C6orf118: variants seen among roughly 807,000 people sequenced by gnomAD.
C6orf118 encodes chromosome 6 open reading frame 118.
C6orf118 carries 50 observed loss-of-function variants against 50.2 expected under a neutral mutation model. The observed-to-expected ratio is 1.00, with a 90% CI of 0.79 to 1.26. The LOEUF (loss-of-function observed/expected upper bound fraction) is 1.26, where lower values mean the gene tolerates loss of function less well. C6orf118 is among the 50% of genes most tolerant of loss of function. The pLI is 0.00. For missense variants in C6orf118, 641 were observed against 578.7 expected, an observed-to-expected ratio of 1.11 and a Z score of -1.10; for synonymous variants, 239 against 230.9, an observed-to-expected ratio of 1.03 and a Z score of -0.32.
chr6:165,301,780 T>C lies in C6orf118; in HGVS notation c.542A>G (p.Asp181Gly). 6.2e-7 allele frequency: 1 copy of C among 1,613,960 alleles called. No individual in the cohort carries two copies. Among genetic ancestry groups the C allele is most frequent in the Non-Finnish European group, 8.5e-7 (1 of 1,179,978 alleles). ...WRRREELRLP[D>G]LKVLCYQEAG... Reference sequence around the variant, plus strand: ...CTCCTGGTAGCACAGCACCTTCAAGTCGGGCAGCCGGAGTTCTTCCCTCCT... The same window carrying C: ...CTCCTGGTAGCACAGCACCTTCAAGCCGGGCAGCCGGAGTTCTTCCCTCCT... The change falls in exon 2 of 9, where the codon GAC (aspartate) becomes GGC (glycine). Residue 181 changes from aspartate to glycine, a missense_variant. Physicochemically the swap from Asp to Gly is moderately conservative, Grantham distance 94. Transcript: ENST00000230301.
At chr6:165,304,967 A>C (rs1314263824) in intron 1 of C6orf118, among the ~76,000 whole-genome samples, 1 of 51,966 alleles carries the variant, frequency 1.9e-5, no homozygotes, top group Admixed American at 2.2e-4. Context: ...AATTGGAAAA[A>C]ACTACTTTAA....
chr6:165,302,117 G>T lies in C6orf118; in HGVS notation c.205C>A (p.Leu69Ile), dbSNP rs778687672. 1.9e-6 allele frequency: 3 copies of T among 1,613,974 alleles called. No individual in the cohort carries two copies. Among genetic ancestry groups the T allele is most frequent in the Non-Finnish European group, 2.5e-6 (3 of 1,180,036 alleles). Reference sequence around the variant, plus strand: ...AAGATCGTCTCCGGAGGCTGGTAGAGCTTGTTGGGGTTCAGGTGTCCAGAG... The same window carrying T: ...AAGATCGTCTCCGGAGGCTGGTAGATCTTGTTGGGGTTCAGGTGTCCAGAG... Reference protein sequence around the residue: ...YISGHLNPNKLYQPPETILQH... With the variant: ...YISGHLNPNKIYQPPETILQH... Residue 69 changes from leucine (L) to isoleucine (I), a missense_variant, in exon 2 of 9, where the codon CTC becomes ATC. Leu to Ile is a conservative substitution (Grantham distance 5). Transcript: ENST00000230301.
chr6:165,281,411 G>A, intron 8 of C6orf118: 1 of 953,954 alleles, frequency 1.0e-6, no homozygotes. Context: ...GTCTAATCTA[G>A]TTTTAAATAA....
At chr6:165,281,500 T>A in intron 8 of C6orf118, 140 bp downstream of exon 8, 1 of 1,407,944 alleles carries the variant, frequency 7.1e-7, no homozygotes, top group South Asian at 1.5e-5. Flanking sequence ...TCTTCACTGA[T>A]CTTTCCTATG....
Position 165,302,203 on chromosome 6 carries a change from T to C in C6orf118, c.119A>G (p.Asn40Ser). Reference sequence around the variant, plus strand: ...AAGCCGATTCAGAAGTTTCTTCAGATTACACAGGGTCTTCACTCCTGGCGT... The same window carrying C: ...AAGCCGATTCAGAAGTTTCTTCAGACTACACAGGGTCTTCACTCCTGGCGT... ...CETPGVKTLCNLKKLLNRLQK... is the reference protein window; with the variant it reads ...CETPGVKTLCSLKKLLNRLQK... The change falls in exon 2 of 9, where the codon AAT (asparagine) becomes AGT (serine). Residue 40 changes from asparagine (N) to serine (S), a missense_variant. Transcript: ENST00000230301. 1 of 1,612,778 alleles carries C rather than the reference T, an allele frequency of 6.2e-7. No individual in the cohort carries two copies. Among genetic ancestry groups the C allele is most frequent in the Non-Finnish European group, 8.5e-7 (1 of 1,179,086 alleles).
In C6orf118 at chr6:165,301,647, C is replaced by CACTT. The variant is rs752402621; in HGVS notation, c.671_674dup (p.Leu226SerfsTer11). 1.2e-6 allele frequency: 2 copies of CACTT among 1,614,082 alleles called. No individual in the cohort carries two copies. Among genetic ancestry groups the CACTT allele is most frequent in the African/African-American group, 2.7e-5 (2 of 74,936 alleles). ...TCTTCAGGAGATCTTGCTTGGCGAG[C>CACTT]ACTTCCTTCTGGAAACGCAGGAACA... On this transcript the variant is annotated frameshift_variant, in exon 2 of 9. Coordinates refer to ENST00000230301, the MANE Select transcript of C6orf118 (RefSeq NM_144980.4). LOFTEE classifies it high-confidence loss of function.
intron 7 of C6orf118, 59 bp downstream of exon 7, chr6:165,289,827 T>C: frequency 1.6e-6 from 2 of 1,226,518 alleles, no homozygotes; most frequent in Non-Finnish European, 2.2e-6. Context: ...ACTTCATGTG[T>C]TTGCCAAGGT....
At chr6:165,282,136 A>C (rs1779748740) in intron 7 of C6orf118, 1 of 152,344 alleles carries the variant, frequency 6.6e-6, no homozygotes, top group South Asian at 2.1e-4. Context: ...CATAAGAACA[A>C]ACATAATTAT....
Position 165,302,086 on chromosome 6 carries a change from T to C in C6orf118, c.236A>G (p.His79Arg). ...CTTGGGCCGGTGGGCATTGGGCCAG[T>C]GCTGTAAGATCGTCTCCGGAGGCTG... The part of the protein sequence containing the change: ...LYQPPETILQ[H>R]WPNAHRPKGE... Residue 79 changes from histidine (H) to arginine (R), a missense_variant, in exon 2 of 9, where the codon CAC (histidine) becomes CGC (arginine). Physicochemically the swap from His to Arg is conservative, Grantham distance 29. Transcript: ENST00000230301. The C allele has an allele frequency of 6.2e-7, 1 of 1,613,988 alleles. No individual in the cohort carries two copies. Among genetic ancestry groups the C allele is most frequent in the Non-Finnish European group, 8.5e-7 (1 of 1,180,028 alleles).
rs56394079 is a variant in C6orf118 at position 165,296,250 on chromosome 6, G to GTTTTTTTT, written c.1061+1719_1061+1726dup. Among the ~76,000 whole-genome samples, 441 of 103,142 alleles carry GTTTTTTTT rather than the reference G, an allele frequency of 4.3e-3. 18 individuals carry two copies. Among genetic ancestry groups the GTTTTTTTT allele is most frequent in the East Asian group, 6.9e-3 (18 of 2,618 alleles). The allele number at this position is 103,142 out of a possible 152,430, so 67.7% of individuals were successfully genotyped here. ...GTTGTTGTTGTTGTTTTCGTTTTTT[G>GTTTTTTTT]TTTTTTTTTTTTTTTTTTTTTTTTT... On this transcript the variant is annotated intron_variant, in intron 5 of 8. Coordinates refer to ENST00000230301, the MANE Select transcript of C6orf118 (RefSeq NM_144980.4).
chr6:165,297,785 C>T (rs1780362670), intron 5 of C6orf118, among the ~76,000 whole-genome samples, 192 bp downstream of exon 5: 1 of 152,176 alleles, frequency 6.6e-6, no homozygotes, highest in African/African-American at 2.4e-5. Context: ...ATGGACACAC[C>T]ATACTTAGCA....
At position 165,279,834 on chromosome 6, in the gene C6orf118, AC is replaced by A. The variant is rs1486031408; in HGVS notation, c.*222del. ...AATGAAAGTAAAACATACGTTAAGAACTAGTATTGTTGTAAATATGTATGCA... is the reference window on the plus strand; with the variant it reads ...AATGAAAGTAAAACATACGTTAAGAATAGTATTGTTGTAAATATGTATGCA... On this transcript the variant is annotated 3_prime_UTR_variant, in exon 9 of 9. Coordinates refer to ENST00000230301, the MANE Select transcript of C6orf118 (RefSeq NM_144980.4). 4 of 423,100 alleles carry A rather than the reference AC, an allele frequency of 9.5e-6. No individual in the cohort carries two copies. The highest frequency in any genetic ancestry group is 1.2e-5 in the Non-Finnish European group (3 of 242,362). The allele number at this position is 423,100 out of a possible 1,614,324, so 26.2% of individuals were successfully genotyped here. A position where few individuals can be genotyped will look rare whatever the true frequency, so the allele number is the denominator to read the frequency against.
intron 1 of C6orf118, among the ~76,000 whole-genome samples, chr6:165,302,849 G>A (rs1319934940): frequency 2.6e-5 from 4 of 152,114 alleles, no homozygotes; most frequent in Non-Finnish European, 5.9e-5. Context: ...TGCCTCCTCT[G>A]CAACATCAGA....
chr6:165,281,806 T>G, intron 7 of C6orf118, 113 bp from the exon 8 acceptor site: 2 of 552,876 alleles, frequency 3.6e-6, no homozygotes, highest in East Asian at 3.7e-5. Flanking sequence ...GAGTACTCAA[T>G]AGCACATTAC....
intron 7 of C6orf118, 88 bp downstream of exon 7, chr6:165,289,798 C>A (rs943428321): frequency 2.5e-6 from 2 of 809,188 alleles, no homozygotes; most frequent in Admixed American, 3.0e-5. Flanking sequence ...ATTTTTTTAC[C>A]CTATTACCAA....
Position 165,280,046 on chromosome 6 carries a change from C to G in C6orf118, c.*11G>C. 3.1e-6 allele frequency: 5 copies of G among 1,600,788 alleles called. No individual in the cohort carries two copies. Among genetic ancestry groups the G allele is most frequent in the Non-Finnish European group, 4.2e-6 (5 of 1,176,720 alleles). The stretch of plus-strand genomic sequence containing the variant: ...GAATTTCCACTGGCCATTTGTTCAG[C>G]CACTTGAGCGTTATCTTCTGTTTCC... On this transcript the variant is annotated 3_prime_UTR_variant, in exon 9 of 9. Transcript: ENST00000230301.
In C6orf118 at chr6:165,300,453, G is replaced by T; in HGVS notation, c.787C>A (p.Gln263Lys). ...CCAAAGACGTGCAGTCTGTTGAACT[G>T]CTGGGGGCTGCACGTGCAAATTTTC... ...LQKICTCSPQQFNRLHVFGKV... is the reference protein window; with the variant it reads ...LQKICTCSPQKFNRLHVFGKV... Residue 263 changes from glutamine (Q) to lysine (K), a missense_variant, in exon 3 of 9, where the codon CAG (glutamine) becomes AAG (lysine). Transcript: ENST00000230301. 6.2e-7 allele frequency: 1 copy of T among 1,613,252 alleles called. No homozygotes were observed. The highest frequency in any genetic ancestry group is 8.5e-7 in the Non-Finnish European group (1 of 1,179,540).
intron 5 of C6orf118, among the ~76,000 whole-genome samples, chr6:165,296,992 C>T (rs1780333107): frequency 6.6e-6 from 1 of 152,124 alleles, no homozygotes; most frequent in African/African-American, 2.4e-5. Flanking sequence ...AGGTCAGACA[C>T]TTGGACATTA....
At chr6:165,280,215 C>G in intron 8 of C6orf118, 105 bp from the exon 9 acceptor site, 1 of 751,160 alleles carries the variant, frequency 1.3e-6, no homozygotes, top group South Asian at 1.8e-5. Flanking sequence ...TACCCAAAAA[C>G]AGACAAGATG....
Sources: allele counts gnomAD v4.1 joint callset (sites outside exome capture counted in the v4.1 genomes callset), GRCh38; gene constraint gnomAD v4.1.1; transcripts MANE v1.5; gene names NCBI Gene and HGNC (gene_info 2026-07-23, HGNC 2026-07-21).